Variants in PDE8B observed in about 807,000 individuals in gnomAD.
PDE8B encodes the protein phosphodiesterase 8B.
PDE8B carries 26 observed loss-of-function variants against 101.3 expected under a neutral mutation model. The observed-to-expected ratio is 0.26, with a 90% confidence interval of 0.19 to 0.36. The LOEUF is 0.36. PDE8B is among the 10% of genes least tolerant of loss of function. The pLI is 1.00. For synonymous variants in PDE8B, 424 were observed against 429.3 expected (o/e 0.99, Z 0.15); for missense variants, 810 against 1,163.1 (o/e 0.70, Z 4.42).
chr5:77,172,978 G>A, the PDE8B span, among the ~76,000 whole-genome samples: 1 of 152,308 alleles, frequency 6.6e-6, no homozygotes, highest in East Asian at 1.9e-4. Flanking sequence ...ACACCAGAGT[G>A]CCATAACCCA....
chr5:77,369,105 A>G (rs1472730862), intron 10 of PDE8B, among the ~76,000 whole-genome samples: 1 of 147,104 alleles, frequency 6.8e-6, no homozygotes, highest in Non-Finnish European at 1.5e-5. Flanking sequence ...CCAGAGACTG[A>G]GGCAGGAGAA....
chr5:77,220,564 A>G (rs1421793293), intron 1 of PDE8B, among the ~76,000 whole-genome samples: 1 of 152,252 alleles, frequency 6.6e-6, no homozygotes, highest in African/African-American at 2.4e-5. Context: ...CCTAGTTGTT[A>G]TTGGGGAAAG....
intron 1 of PDE8B, among the ~76,000 whole-genome samples, chr5:77,213,452 G>A (rs1580345564): frequency 6.6e-6 from 1 of 152,126 alleles, no homozygotes; most frequent in Admixed American, 6.5e-5. Context: ...TATCCTTTTA[G>A]GCCTGTGACT....
chr5:77,191,502 G>A, the PDE8B span, among the ~76,000 whole-genome samples: 13 of 151,854 alleles, frequency 8.6e-5, no homozygotes, highest in African/African-American at 2.7e-4. Context: ...ACAGGTGCCC[G>A]CCACCACACC....
intron 1 of PDE8B, among the ~76,000 whole-genome samples, chr5:77,264,647 G>A (rs969540040): frequency 2.0e-5 from 3 of 152,032 alleles, no homozygotes; most frequent in African/African-American, 7.2e-5. Flanking sequence ...GTGGTTGTTG[G>A]ATATAGTCAA....
intron 1 of PDE8B, among the ~76,000 whole-genome samples, chr5:77,281,357 A>G (rs1239793114): frequency 6.6e-6 from 1 of 152,208 alleles, no homozygotes; most frequent in Non-Finnish European, 1.5e-5. Context: ...AATTGCCGCA[A>G]ATTTAATGAC....
chr5:77,347,155 A>G (rs1174094151), intron 7 of PDE8B, among the ~76,000 whole-genome samples: 1 of 152,132 alleles, frequency 6.6e-6, no homozygotes, highest in Non-Finnish European at 1.5e-5. Flanking sequence ...AAAACACTTA[A>G]TTGTTACTTG....
the PDE8B span, among the ~76,000 whole-genome samples, chr5:77,094,844 G>A: frequency 6.6e-6 from 1 of 152,100 alleles, no homozygotes; most frequent in Non-Finnish European, 1.5e-5. Flanking sequence ...GATCTGGAGG[G>A]AAGTAAGAGT....
At chr5:77,103,035 GA>G in the PDE8B span, among the ~76,000 whole-genome samples, 4 of 152,210 alleles carry the variant, frequency 2.6e-5, no homozygotes, top group East Asian at 5.8e-4. Context: ...CCAAGCCAGA[GA>G]AAAGGCAGCC....
rs1794893889 is a variant in PDE8B at position 77,413,201 on chromosome 5, C to A, written c.1803C>A (p.Phe601Leu). The A allele has an allele frequency of 1.2e-6, 2 of 1,613,766 alleles. No homozygotes were observed. The highest frequency in any genetic ancestry group is 1.7e-6 in the Non-Finnish European group (2 of 1,179,824). ...NCSETTLRAW[F>L]QVIEANYHSS... ...CTGAAACCACTCTTCGGGCCTGGTT[C>A]CAAGTGATCGAAGCCAACTACCACT... is the stretch of plus-strand genomic sequence containing the variant. The change falls in exon 17 of 22, where the codon TTC (phenylalanine) becomes TTA (leucine). Residue 601 changes from phenylalanine to leucine, a missense_variant. Phe to Leu is a conservative substitution (Grantham distance 22). Coordinates refer to ENST00000264917, the MANE Select transcript of PDE8B (RefSeq NM_003719.5).
At chr5:77,163,795 A>T in the PDE8B span, among the ~76,000 whole-genome samples, 1 of 152,236 alleles carries the variant, frequency 6.6e-6, no homozygotes, top group Admixed American at 6.5e-5. Flanking sequence ...GTCTCATAAA[A>T]AATGTTTAGG....
Position 77,353,420 on chromosome 5 carries a change from T to C in PDE8B, c.1167+14T>C. 7 of 1,538,402 alleles carry C rather than the reference T, an allele frequency of 4.6e-6. No individual in the cohort carries two copies. Among genetic ancestry groups the C allele is most frequent in the Non-Finnish European group, 6.3e-6 (7 of 1,110,890 alleles). Reference sequence around the variant, plus strand: ...AATAATAAGCAGGTATGGTATTAGCTCACTTCGTTTGCTCTGTCTGTTTGG... The same window carrying C: ...AATAATAAGCAGGTATGGTATTAGCCCACTTCGTTTGCTCTGTCTGTTTGG... On this transcript the variant is annotated intron_variant, in intron 10 of 21. Coordinates refer to ENST00000264917, the MANE Select transcript of PDE8B (RefSeq NM_003719.5).
chr5:77,296,666 G>A (rs1340401985), intron 1 of PDE8B, among the ~76,000 whole-genome samples: 1 of 152,160 alleles, frequency 6.6e-6, no homozygotes, highest in Non-Finnish European at 1.5e-5. Flanking sequence ...TTATCAAAGT[G>A]CTATCTTGAC....
intron 10 of PDE8B, among the ~76,000 whole-genome samples, chr5:77,378,815 C>T (rs1212832841): frequency 1.3e-5 from 2 of 152,268 alleles, no homozygotes; most frequent in Admixed American, 1.3e-4. Flanking sequence ...GGGATGGGGC[C>T]TATCAGTTGG....
At chr5:77,396,809 CTTATA>C (rs1791159202) in intron 10 of PDE8B, among the ~76,000 whole-genome samples, 1 of 151,932 alleles carries the variant, frequency 6.6e-6, no homozygotes, top group Admixed American at 6.6e-5. Flanking sequence ...AATTGTTTCT[CTTATA>C]TTTAGTAGTT....
intron 4 of PDE8B, among the ~76,000 whole-genome samples, chr5:77,329,648 C>G (rs1776736373): frequency 6.6e-6 from 1 of 152,142 alleles, no homozygotes; most frequent in Non-Finnish European, 1.5e-5. Flanking sequence ...TCTGAAGTGG[C>G]CAGCACTTAA....
the PDE8B span, among the ~76,000 whole-genome samples, chr5:77,107,270 A>G: frequency 1.3e-5 from 2 of 152,158 alleles, no homozygotes; most frequent in African/African-American, 2.4e-5. Context: ...CTTGGTGTGT[A>G]TGTGCCACAT....
intron 1 of PDE8B, among the ~76,000 whole-genome samples, chr5:77,227,506 TGAGA>T (rs527461148): frequency 3.3e-5 from 5 of 151,514 alleles, no homozygotes; most frequent in Non-Finnish European, 7.4e-5. Flanking sequence ...AAGGCACCCA[TGAGA>T]GAGAGAGAGC....
chr5:77,222,834 G>A (rs1379429633), intron 1 of PDE8B, among the ~76,000 whole-genome samples: 2 of 152,182 alleles, frequency 1.3e-5, no homozygotes, highest in Non-Finnish European at 2.9e-5. Context: ...ACGGCCACAG[G>A]CAGGGGCCAG....
Sources: allele counts gnomAD v4.1 joint callset (sites outside exome capture counted in the v4.1 genomes callset), GRCh38; gene constraint gnomAD v4.1.1; transcripts MANE v1.5; gene names NCBI Gene and HGNC (gene_info 2026-07-23, HGNC 2026-07-21).